The following OPCML variants were observed in gnomAD, a reference collection of about 807,000 sequenced individuals.
OPCML encodes opioid binding protein/cell adhesion molecule like.
Under a neutral mutation model 37.8 loss-of-function variants are expected in OPCML, and 13 were observed. The observed-to-expected ratio is 0.34, with a 90% confidence interval of 0.22 to 0.55. The LOEUF (loss-of-function observed/expected upper bound fraction) is 0.55, where lower values mean the gene tolerates loss of function less well. OPCML is among the 20% of genes least tolerant of loss of function. OPCML has a pLI of 0.91. For missense variants in OPCML, 341 were observed against 435.6 expected (o/e 0.78, Z 1.93); for synonymous variants, 176 against 168.8 (o/e 1.04, Z -0.33).
intron 3 of OPCML, among the ~76,000 whole-genome samples, chr11:132,623,529 A>C (rs1189693374): frequency 6.6e-6 from 1 of 152,192 alleles, no homozygotes; most frequent in Non-Finnish European, 1.5e-5. Flanking sequence ...ATTGTTCATA[A>C]ATTTACTGAC....
In OPCML at chr11:133,212,875, C is replaced by T. The variant is rs1389928349; in HGVS notation, c.62-269865G>A. Among the ~76,000 whole-genome samples the T allele has an allele frequency of 4.6e-5, 7 of 152,162 alleles. No individual in the cohort carries two copies. Among genetic ancestry groups the T allele is most frequent in the African/African-American group, 1.2e-4 (5 of 41,430 alleles). On this transcript the variant is annotated intron_variant, in intron 1 of 7. Transcript: ENST00000524381. This position sits in a 1 kb window ranked among gnomAD's most constrained non-coding sequence, Gnocchi z 4.9. ...TGGGTTTCCATACTCTAAAATTCCA[C>T]GTTTGTATCTGCGTCATGCCGTTAA...
At chr11:132,535,942 C>G (rs1366652423) in intron 3 of OPCML, among the ~76,000 whole-genome samples, 3 of 152,132 alleles carry the variant, frequency 2.0e-5, no homozygotes, top group Admixed American at 2.0e-4. Flanking sequence ...CCCACGTTGT[C>G]AAGAACTCTC....
At chr11:132,660,619 T>A (rs1238989054) in intron 2 of OPCML, among the ~76,000 whole-genome samples, 6 of 152,208 alleles carry the variant, frequency 3.9e-5, no homozygotes, top group African/African-American at 1.4e-4. Flanking sequence ...CTGTTTATTT[T>A]AATATGCTAA....
intron 1 of OPCML, among the ~76,000 whole-genome samples, chr11:133,382,519 C>G (rs556542354): frequency 9.9e-4 from 151 of 152,282 alleles, no homozygotes; most frequent in African/African-American, 3.5e-3. Flanking sequence ...GGGTCACACA[C>G]CCCCACATCA....
intron 1 of OPCML, among the ~76,000 whole-genome samples, chr11:133,000,900 T>C (rs1035774349): frequency 1.1e-4 from 16 of 152,190 alleles, no homozygotes; most frequent in Admixed American, 2.0e-4. Context: ...CCTTCTCGTA[T>C]GGTTTCCTGT....
chr11:132,549,808 T>G (rs971001818), intron 3 of OPCML, among the ~76,000 whole-genome samples: 1 of 152,132 alleles, frequency 6.6e-6, no homozygotes, highest in Admixed American at 6.5e-5. Flanking sequence ...TATATAAACA[T>G]CATACCTGAA....
intron 1 of OPCML, among the ~76,000 whole-genome samples, chr11:133,445,507 G>A (rs1032450991): frequency 6.6e-6 from 1 of 152,188 alleles, no homozygotes; most frequent in Admixed American, 6.5e-5. Flanking sequence ...CAGGCAACGT[G>A]TTTCCTGGAC....
At chr11:133,415,278 C>T (rs573766491) in intron 1 of OPCML, among the ~76,000 whole-genome samples, 142 of 151,570 alleles carry the variant, frequency 9.4e-4, no homozygotes, top group Middle Eastern at 3.4e-3. Flanking sequence ...GGCGTGGTGG[C>T]GGGCGCCTGT....
intron 1 of OPCML, among the ~76,000 whole-genome samples, chr11:133,476,770 G>A (rs1457221530): frequency 6.6e-6 from 1 of 152,306 alleles, no homozygotes; most frequent in Admixed American, 6.5e-5. Flanking sequence ...AAGCACCCCG[G>A]AGGGCCGGTA....
At chr11:133,438,435 G>C (rs1946289894) in intron 1 of OPCML, among the ~76,000 whole-genome samples, 1 of 152,020 alleles carries the variant, frequency 6.6e-6, no homozygotes, top group African/African-American at 2.4e-5. Context: ...TAAAATTAAA[G>C]TATATCAGCA....
chr11:133,244,710 C>T (rs1045679062), intron 1 of OPCML, among the ~76,000 whole-genome samples: 1 of 151,646 alleles, frequency 6.6e-6, no homozygotes, highest in Non-Finnish European at 1.5e-5. Context: ...CACTCTCTCT[C>T]TCCTGCTCTC....
intron 1 of OPCML, among the ~76,000 whole-genome samples, chr11:133,277,694 T>C (rs140958394): frequency 3.9e-4 from 60 of 152,248 alleles, no homozygotes; most frequent in Admixed American, 7.9e-4. Flanking sequence ...TATATACATA[T>C]ACATATATGT....
chr11:133,286,486 A>G (rs923646837), intron 1 of OPCML, among the ~76,000 whole-genome samples: 4 of 149,554 alleles, frequency 2.7e-5, no homozygotes, highest in Non-Finnish European at 5.9e-5. Flanking sequence ...AAAAAAAAAA[A>G]AAAAAAAAGG....
At chr11:133,362,781 C>A (rs1180154617) in intron 1 of OPCML, among the ~76,000 whole-genome samples, 3 of 152,122 alleles carry the variant, frequency 2.0e-5, no homozygotes, top group African/African-American at 7.2e-5. Flanking sequence ...CTCCCACTGG[C>A]CCCGCGGTGG....
rs182709882 is a variant in OPCML, at chr11:133,349,398, C to T, written c.61+182866G>A. 3.1e-3 allele frequency among the ~76,000 whole-genome samples: 478 copies of T among 152,252 alleles called. 2 individuals carry two copies. Among genetic ancestry groups the T allele is most frequent in the African/African-American group, 0.011 (460 of 41,534 alleles). On this transcript the variant is annotated intron_variant, in intron 1 of 7. Transcript: ENST00000524381. ...ATTCTCACCTCTTAATTTAATTCCT[C>T]AGGTATTGTGGGAAGTACCTGAACC...
chr11:132,520,479 A>G (rs1364962338), intron 4 of OPCML, among the ~76,000 whole-genome samples: 1 of 152,158 alleles, frequency 6.6e-6, no homozygotes, highest in East Asian at 1.9e-4. Flanking sequence ...GAAACAACAA[A>G]TTCTTATATA....
intron 2 of OPCML, among the ~76,000 whole-genome samples, chr11:132,740,273 C>A (rs1945394756): frequency 6.6e-6 from 1 of 152,208 alleles, no homozygotes; most frequent in Non-Finnish European, 1.5e-5. Context: ...TCCTCCCCTG[C>A]CCCTTGGCTA....
intron 1 of OPCML, among the ~76,000 whole-genome samples, chr11:133,364,352 G>T (rs1423002757): frequency 6.6e-6 from 1 of 152,222 alleles, no homozygotes; most frequent in East Asian, 1.9e-4. Context: ...ACATGAAACA[G>T]TGCTAATACA....
chr11:133,120,595 A>T (rs971676054), intron 1 of OPCML, among the ~76,000 whole-genome samples: 7 of 152,200 alleles, frequency 4.6e-5, no homozygotes, highest in Admixed American at 2.0e-4. Flanking sequence ...ACCCAAGACC[A>T]CCACCTAGGA....
Sources: allele counts gnomAD v4.1 joint callset (sites outside exome capture counted in the v4.1 genomes callset), GRCh38; gene constraint gnomAD v4.1.1; non-coding constraint Gnocchi (gnomAD v3.1); transcripts MANE v1.5; gene names NCBI Gene and HGNC (gene_info 2026-07-23, HGNC 2026-07-21).